CCDC178: variants seen among roughly 807,000 people sequenced by gnomAD.
CCDC178 encodes the protein coiled-coil domain containing 178.
A neutral mutation model predicts 117.4 loss-of-function variants in CCDC178; 126 were observed. That is an observed-to-expected ratio of 1.07 (90% confidence interval 0.93 to 1.24). The LOEUF (loss-of-function observed/expected upper bound fraction) is 1.24, where lower values mean the gene tolerates loss of function less well. CCDC178 is among the 50% of genes most tolerant of loss of function. The pLI is 0.00. For missense variants in CCDC178, 1,030 were observed against 986.9 expected (o/e 1.04, Z -0.59); for synonymous variants, 283 against 313.4 (o/e 0.90, Z 1.02).
chr18:33,123,038 T>C (rs1446037845), intron 20 of CCDC178, among the ~76,000 whole-genome samples: 1 of 152,120 alleles, frequency 6.6e-6, no homozygotes, highest in Non-Finnish European at 1.5e-5. Context: ...TCTCCAGATA[T>C]TTCGCTGTCA....
chr18:33,363,774 T>C (rs1000275979), intron 6 of CCDC178, among the ~76,000 whole-genome samples: 1 of 152,050 alleles, frequency 6.6e-6, no homozygotes, highest in African/African-American at 2.4e-5. Flanking sequence ...AACATGTAAT[T>C]ATGGATATTC....
At chr18:33,356,851 T>G (rs138542486) in intron 6 of CCDC178, among the ~76,000 whole-genome samples, 1 of 152,166 alleles carries the variant, frequency 6.6e-6, no homozygotes, top group Non-Finnish European at 1.5e-5. Context: ...CCGTCTCTTG[T>G]GGCAGAAGTT....
intron 22 of CCDC178, among the ~76,000 whole-genome samples, chr18:32,960,550 G>A (rs1213879333): frequency 2.0e-5 from 3 of 152,090 alleles, no homozygotes; most frequent in Non-Finnish European, 2.9e-5. Flanking sequence ...ATACGTCTAG[G>A]TGCTAGTCTA....
chr18:32,980,188 C>T (rs1382253829), intron 21 of CCDC178, among the ~76,000 whole-genome samples: 1 of 152,000 alleles, frequency 6.6e-6, no homozygotes, highest in African/African-American at 2.4e-5. Flanking sequence ...AATCTAACCA[C>T]ATTTAATTTT....
chr18:33,440,838 CCGGCGTTT>C (rs767951935), upstream of CCDC178: 203 of 153,300 alleles, frequency 1.3e-3, 1 homozygote, highest in Non-Finnish European at 2.5e-3. Flanking sequence ...CCCCCGACTC[CCGGCGTTT>C]CGGCGCCCGA....
chr18:32,999,472 C>A (rs1420964183), intron 21 of CCDC178, among the ~76,000 whole-genome samples: 1 of 152,100 alleles, frequency 6.6e-6, no homozygotes. Context: ...ATTCTAGAGC[C>A]CTATGGCTTT....
At chr18:33,198,614 G>A (rs1013490373) in intron 20 of CCDC178, among the ~76,000 whole-genome samples, 1 of 152,052 alleles carries the variant, frequency 6.6e-6, no homozygotes, top group Non-Finnish European at 1.5e-5. Context: ...GCAATGCTTA[G>A]CCCATTTTAT....
intron 22 of CCDC178, among the ~76,000 whole-genome samples, chr18:32,961,262 T>C (rs1237996622): frequency 1.3e-5 from 2 of 152,188 alleles, no homozygotes; most frequent in Non-Finnish European, 2.9e-5. Flanking sequence ...TTGCTTTATA[T>C]ATTTTCAACT....
chr18:33,394,632 C>A (rs953319186), intron 4 of CCDC178, among the ~76,000 whole-genome samples: 1 of 151,616 alleles, frequency 6.6e-6, no homozygotes, highest in Non-Finnish European at 1.5e-5. Flanking sequence ...ATAAATTATA[C>A]AAAATTTCTC....
At chr18:33,433,071 C>T (rs2064242927) in intron 2 of CCDC178, among the ~76,000 whole-genome samples, 1 of 152,204 alleles carries the variant, frequency 6.6e-6, no homozygotes, top group South Asian at 2.1e-4. Flanking sequence ...CATAACACTC[C>T]ATTCTATTAG....
At chr18:33,280,681 T>G (rs1177846462) in intron 12 of CCDC178, among the ~76,000 whole-genome samples, 1 of 152,106 alleles carries the variant, frequency 6.6e-6, no homozygotes, top group Non-Finnish European at 1.5e-5. Context: ...CTATTCACAG[T>G]AGCAAAGACT....
intron 14 of CCDC178, among the ~76,000 whole-genome samples, chr18:33,258,348 A>G (rs2059703857): frequency 6.6e-6 from 1 of 152,108 alleles, no homozygotes; most frequent in Non-Finnish European, 1.5e-5. Flanking sequence ...AAGAATTTTT[A>G]TCTGTCTCAA....
At chr18:33,375,928 A>T (rs999865260) in intron 5 of CCDC178, among the ~76,000 whole-genome samples, 5 of 152,178 alleles carry the variant, frequency 3.3e-5, no homozygotes, top group African/African-American at 1.2e-4. Flanking sequence ...AAATTTCAGA[A>T]CAGGAGTGAA....
At chr18:33,004,320 A>C (rs2055706415) in intron 21 of CCDC178, among the ~76,000 whole-genome samples, 1 of 152,158 alleles carries the variant, frequency 6.6e-6, no homozygotes, top group African/African-American at 2.4e-5. Context: ...TAGAGAATCC[A>C]GAAACAAATT....
At position 33,389,552 on chromosome 18, in the gene CCDC178, T is replaced by C. The variant is rs2063539307; in HGVS notation, c.196A>G (p.Thr66Ala). The C allele has an allele frequency of 3.3e-6, 5 of 1,510,682 alleles. No homozygotes were observed. Among genetic ancestry groups the C allele is most frequent in the Non-Finnish European group, 4.4e-6 (5 of 1,126,672 alleles). The allele number at this position is 1,510,682 out of a possible 1,614,324, so 93.6% of individuals were successfully genotyped here. ...ATTCAGTCCTCACCTTCAGTATTTG[T>C]CATTTTACTTTCATGAAAACCTTCA... ...NSEGFHESKMTNTEGVNKGIY... is the reference protein window; with the variant it reads ...NSEGFHESKMANTEGVNKGIY... Residue 66 changes from threonine (T) to alanine (A), a missense_variant, in exon 5 of 23, where the codon ACA becomes GCA. Transcript: ENST00000383096.
At chr18:33,164,768 T>C (rs1401190359) in intron 20 of CCDC178, among the ~76,000 whole-genome samples, 1 of 152,178 alleles carries the variant, frequency 6.6e-6, no homozygotes, top group South Asian at 2.1e-4. Context: ...CTCAGATATG[T>C]AGCCGGAAAT....
intron 2 of CCDC178, among the ~76,000 whole-genome samples, chr18:33,425,773 T>C (rs1365373547): frequency 1.3e-5 from 2 of 152,134 alleles, no homozygotes; most frequent in African/African-American, 2.4e-5. Flanking sequence ...CTGGGGCTGA[T>C]GGGGCCGAGG....
At chr18:33,186,419 T>C (rs1485738720) in intron 20 of CCDC178, among the ~76,000 whole-genome samples, 2 of 152,070 alleles carry the variant, frequency 1.3e-5, no homozygotes, top group Non-Finnish European at 2.9e-5. Flanking sequence ...CTGACCATAG[T>C]ATGTGTGTTA....
At chr18:33,394,263 T>C (rs1172803807) in intron 4 of CCDC178, among the ~76,000 whole-genome samples, 3 of 151,976 alleles carry the variant, frequency 2.0e-5, no homozygotes, top group Non-Finnish European at 4.4e-5. Context: ...AACATATACA[T>C]GACAGTTGAC....
Sources: allele counts gnomAD v4.1 joint callset (sites outside exome capture counted in the v4.1 genomes callset), GRCh38; gene constraint gnomAD v4.1.1; transcripts MANE v1.5; gene names NCBI Gene and HGNC (gene_info 2026-07-23, HGNC 2026-07-21).